Variants in DSCAM observed in about 807,000 individuals in gnomAD.
The protein encoded by DSCAM is DS cell adhesion molecule, also known as cell adhesion molecule DSCAM.
A neutral mutation model predicts 217.7 loss-of-function variants in DSCAM; 47 were observed. The ratio of observed to expected loss-of-function variants is 0.22; its 90% CI spans 0.17 to 0.28. The LOEUF is 0.28. DSCAM is among the 10% of genes least tolerant of loss of function. DSCAM has a pLI of 1.00. For synonymous variants in DSCAM, 1,056 were observed against 1,015.3 expected (o/e 1.04, Z -0.76); for missense variants, 2,080 against 2,618.3 (o/e 0.79, Z 4.49).
In DSCAM at chr21:40,107,859, T is replaced by C. The variant is rs563323372; in HGVS notation, c.3697-13985A>G. On this transcript the variant is annotated intron_variant, in intron 20 of 32. Coordinates refer to ENST00000400454, the MANE Select transcript of DSCAM (RefSeq NM_001389.5). ...ACTAGGATTGCAACCCCTGCTTTTTTCTGTTTTTGATTTGCTTACTGGATT... is the reference window on the plus strand; with the variant it reads ...ACTAGGATTGCAACCCCTGCTTTTTCCTGTTTTTGATTTGCTTACTGGATT... Among the ~76,000 whole-genome samples, 6 of 152,346 alleles carry C rather than the reference T, an allele frequency of 3.9e-5. No individual in the cohort carries two copies. In the South Asian group the frequency reaches 1.0e-3, roughly 26 times the overall value.
chr21:40,598,915 C>T (rs900546385), intron 3 of DSCAM, among the ~76,000 whole-genome samples: 1 of 152,104 alleles, frequency 6.6e-6, no homozygotes, highest in Non-Finnish European at 1.5e-5. Context: ...AGTAGTATCT[C>T]GTTATTGTTT....
At chr21:40,554,620 A>C (rs117348272) in intron 3 of DSCAM, among the ~76,000 whole-genome samples, 110 of 152,268 alleles carry the variant, frequency 7.2e-4, no homozygotes, top group Non-Finnish European at 1.3e-3. Context: ...ACGGTTATCC[A>C]CTCACATAGA....
At chr21:40,587,007 A>G (rs964902638) in intron 3 of DSCAM, among the ~76,000 whole-genome samples, 1 of 152,246 alleles carries the variant, frequency 6.6e-6, no homozygotes, top group African/African-American at 2.4e-5. Context: ...TTCAAGGAGT[A>G]CATTAGAGGA....
At chr21:40,242,080 G>C (rs2073160349) in intron 11 of DSCAM, among the ~76,000 whole-genome samples, 1 of 151,758 alleles carries the variant, frequency 6.6e-6, no homozygotes, top group African/African-American at 2.4e-5. Flanking sequence ...AAAATAATCT[G>C]TACAACAAAC....
At chr21:40,171,648 T>C (rs1473535641) in intron 15 of DSCAM, among the ~76,000 whole-genome samples, 1 of 152,130 alleles carries the variant, frequency 6.6e-6, no homozygotes, top group Non-Finnish European at 1.5e-5. Context: ...AATAGGGCTA[T>C]GTCCAATATC....
chr21:40,490,137 T>A (rs986337889), intron 3 of DSCAM, among the ~76,000 whole-genome samples: 1 of 152,218 alleles, frequency 6.6e-6, no homozygotes, highest in Admixed American at 6.5e-5. Context: ...ACCATCAGAT[T>A]TCCTGAGACT....
At chr21:40,593,364 C>T (rs1355801551) in intron 3 of DSCAM, among the ~76,000 whole-genome samples, 3 of 149,516 alleles carry the variant, frequency 2.0e-5, no homozygotes, top group Admixed American at 6.7e-5. Flanking sequence ...CTTGCTCTGT[C>T]GCACAGGCTG....
At chr21:40,299,403 A>G (rs1401446247) in intron 9 of DSCAM, among the ~76,000 whole-genome samples, 1 of 152,176 alleles carries the variant, frequency 6.6e-6, no homozygotes, top group Non-Finnish European at 1.5e-5. Flanking sequence ...GAGTTACAAT[A>G]AGAACTCTAA....
intron 3 of DSCAM, among the ~76,000 whole-genome samples, chr21:40,477,290 AAAGAT>A (rs979591047): frequency 2.6e-5 from 4 of 152,218 alleles, no homozygotes; most frequent in South Asian, 2.1e-4. Context: ...TGATCTAACA[AAAGAT>A]AAGAACCAGA....
chr21:40,374,584 G>A (rs146517601), intron 3 of DSCAM, among the ~76,000 whole-genome samples: 1 of 152,214 alleles, frequency 6.6e-6, no homozygotes, highest in South Asian at 2.1e-4. Flanking sequence ...GTATACCCCA[G>A]TGAAAGGCTT....
At chr21:40,432,036 T>C (rs545250051) in intron 3 of DSCAM, among the ~76,000 whole-genome samples, 1 of 151,978 alleles carries the variant, frequency 6.6e-6, no homozygotes, top group South Asian at 2.1e-4. Context: ...CCCGGCTCTA[T>C]TAAAAAATAC....
intron 3 of DSCAM, among the ~76,000 whole-genome samples, chr21:40,550,297 G>A (rs1049073100): frequency 5.3e-5 from 8 of 152,128 alleles, no homozygotes; most frequent in Non-Finnish European, 1.2e-4. Context: ...GGCGGAGGTG[G>A]GCGGATCACC....
chr21:40,219,257 T>C (rs1197958120), intron 11 of DSCAM, among the ~76,000 whole-genome samples: 3 of 152,072 alleles, frequency 2.0e-5, no homozygotes, highest in African/African-American at 7.3e-5. Flanking sequence ...TCTTTAGTTA[T>C]GTTTATGTGA....
intron 3 of DSCAM, among the ~76,000 whole-genome samples, chr21:40,477,407 T>C (rs2075946526): frequency 6.6e-6 from 1 of 152,212 alleles, no homozygotes; most frequent in Admixed American, 6.5e-5. Flanking sequence ...ACGGTATTTT[T>C]TCTGATCGTC....
chr21:40,171,138 C>T lies in DSCAM; in HGVS notation c.2948-3850G>A, dbSNP rs186718645. On this transcript the variant is annotated intron_variant, in intron 15 of 32. Transcript: ENST00000400454. ...TGTCGCCCAGGCTAGAATGCAGTGG[C>T]ACTATCTCGACTCACTGCAACCTCT... Among the ~76,000 whole-genome samples the T allele has an allele frequency of 1.6e-4, 25 of 152,284 alleles. 1 individual carries two copies. In the East Asian group the frequency reaches 4.6e-3, roughly 28 times the overall value.
intron 3 of DSCAM, among the ~76,000 whole-genome samples, chr21:40,673,509 A>C (rs886573691): frequency 2.6e-5 from 4 of 152,156 alleles, no homozygotes; most frequent in African/African-American, 9.7e-5. Context: ...TTACGTTGGA[A>C]GTAGTTTTTT....
intron 3 of DSCAM, among the ~76,000 whole-genome samples, chr21:40,584,910 G>A (rs1401004121): frequency 6.6e-6 from 1 of 152,166 alleles, no homozygotes; most frequent in Admixed American, 6.5e-5. Flanking sequence ...CATAAGCGTG[G>A]ATCCTTATAA....
In DSCAM at chr21:40,506,061, C is replaced by T. The variant is rs540935800; in HGVS notation, c.509-136816G>A. Among the ~76,000 whole-genome samples, 4 of 152,274 alleles carry T rather than the reference C, an allele frequency of 2.6e-5. No individual in the cohort carries two copies. The South Asian group carries it at 8.3e-4, about 32-fold the overall frequency. On this transcript the variant is annotated intron_variant, in intron 3 of 32. Transcript: ENST00000400454. ...TATGATACTCTTAAACTGACTTGTGCTTTTTTCCAGATTCTTAAAGATTTA... is the reference window on the plus strand; with the variant it reads ...TATGATACTCTTAAACTGACTTGTGTTTTTTTCCAGATTCTTAAAGATTTA...
At chr21:40,222,392 G>C (rs1419674469) in intron 11 of DSCAM, among the ~76,000 whole-genome samples, 1 of 152,222 alleles carries the variant, frequency 6.6e-6, no homozygotes, top group Non-Finnish European at 1.5e-5. Context: ...AATAGGGTAG[G>C]AAAAGGCTGT....
Sources: gnomAD v4.1 joint callset for allele counts (sites outside exome capture counted in the v4.1 genomes callset) on GRCh38, gnomAD v4.1.1 for gene constraint, MANE v1.5 for transcripts, NCBI Gene and HGNC (gene_info 2026-07-23, HGNC 2026-07-21) for gene names.